The following SYNE1 variants were observed in gnomAD, a reference collection of about 807,000 sequenced individuals.
SYNE1 encodes nesprin-1.
A neutral mutation model predicts 1,111.0 loss-of-function variants in SYNE1; 616 were observed. The observed-to-expected ratio is 0.55, with a 90% confidence interval of 0.52 to 0.59. SYNE1 has a LOEUF of 0.59. Ranked by LOEUF, SYNE1 falls within the 20% of genes least tolerant of loss-of-function variation. The pLI is 0.00. For missense variants in SYNE1, 10,006 were observed against 10,417.0 expected (o/e 0.96, Z 1.72); for synonymous variants, 3,855 against 3,825.8 (o/e 1.01, Z -0.28).
At chr6:152,594,756 C>T (rs1228364354) in intron 3 of SYNE1, among the ~76,000 whole-genome samples, 2 of 152,158 alleles carry the variant, frequency 1.3e-5, no homozygotes, top group East Asian at 3.9e-4. Flanking sequence ...AGTCAGTCTC[C>T]ACCTCCTCAA....
chr6:152,321,666 CA>C lies in SYNE1; in HGVS notation c.16083+54del, dbSNP rs1422351345. On this transcript the variant is annotated intron_variant, in intron 83 of 145. Coordinates refer to ENST00000367255, the MANE Select transcript of SYNE1 (RefSeq NM_182961.4). ...ACAAACAAGTATGTTCAACTAAAATCAGGGCAATTGTTTTTGAAATGATGGG... is the reference window on the plus strand; with the variant it reads ...ACAAACAAGTATGTTCAACTAAAATCGGGCAATTGTTTTTGAAATGATGGG... 4 of 1,604,440 alleles carry C rather than the reference CA, an allele frequency of 2.5e-6. No individual in the cohort carries two copies. In the African/African-American group the frequency reaches 5.4e-5, roughly 21 times the overall value.
chr6:152,341,520 G>A lies in SYNE1; in HGVS notation c.12226-2154C>T, dbSNP rs1348000852. Among the ~76,000 whole-genome samples the A allele has an allele frequency of 2.6e-5, 4 of 152,178 alleles. No individual in the cohort carries two copies. The South Asian group carries it at 6.2e-4, about 24-fold the overall frequency. On this transcript the variant is annotated intron_variant, in intron 74 of 145. Transcript: ENST00000367255. ...TCTAAAAACATATAGCACTCTGAACGGAATCGAATCCATGTGCCATTTTCT... is the reference window on the plus strand; with the variant it reads ...TCTAAAAACATATAGCACTCTGAACAGAATCGAATCCATGTGCCATTTTCT...
chr6:152,528,201 G>A (rs1380533407), intron 4 of SYNE1, among the ~76,000 whole-genome samples: 1 of 151,780 alleles, frequency 6.6e-6, no homozygotes, highest in Non-Finnish European at 1.5e-5. Flanking sequence ...ATTTTTTTCT[G>A]CTTATACATG....
At chr6:152,338,080 G>A (rs779573104) in intron 75 of SYNE1, among the ~76,000 whole-genome samples, 18 of 152,166 alleles carry the variant, frequency 1.2e-4, no homozygotes, top group Non-Finnish European at 2.4e-4. Context: ...TGTGGGAGGC[G>A]GAGGTTGCAG....
intron 20 of SYNE1, chr6:152,462,428 T>G: frequency 2.1e-6 from 1 of 470,716 alleles, no homozygotes; most frequent in East Asian, 3.4e-5. Flanking sequence ...AAATCCTTTA[T>G]TATTGAAAGT....
intron 131 of SYNE1, among the ~76,000 whole-genome samples, chr6:152,156,986 C>T (rs994446521): frequency 4.6e-5 from 7 of 152,128 alleles, no homozygotes; most frequent in African/African-American, 1.7e-4. Flanking sequence ...CGCCATCATG[C>T]CTGGCTGGTT....
At chr6:152,170,880 G>C (rs1161610889) in intron 130 of SYNE1, among the ~76,000 whole-genome samples, 1 of 152,196 alleles carries the variant, frequency 6.6e-6, no homozygotes, top group African/African-American at 2.4e-5. Context: ...GAAGGGACCC[G>C]ATGGGAGATA....
rs985588823 is a variant in SYNE1, at chr6:152,442,098, C to T, written c.3985G>A (p.Glu1329Lys). 1.2e-6 allele frequency: 2 copies of T among 1,614,130 alleles called. No homozygotes were observed. Among genetic ancestry groups the T allele is most frequent in the South Asian group, 2.2e-5 (2 of 91,086 alleles). The change falls in exon 31 of 146, where the codon GAG becomes AAG. Residue 1329 changes from glutamate to lysine, a missense_variant. Coordinates refer to ENST00000367255, the MANE Select transcript of SYNE1 (RefSeq NM_182961.4). Reference protein sequence around the residue: ...STLDGLERSRERQERRIQVTL... With the variant: ...STLDGLERSRKRQERRIQVTL... ...ACCTGGATGCGGCGTTCCTGCCTCT[C>T]CCGGCTGCGCTCCAGGCCATCCAGT...
chr6:152,478,231 G>A (rs2098846687), intron 14 of SYNE1, among the ~76,000 whole-genome samples: 2 of 152,304 alleles, frequency 1.3e-5, no homozygotes, highest in Admixed American at 1.3e-4. Flanking sequence ...TAGAAAGAAT[G>A]AGAGAAGAGA....
At chr6:152,441,945 T>C (rs2098534331) in intron 31 of SYNE1, 130 bp downstream of exon 31, 6 of 1,099,346 alleles carry the variant, frequency 5.5e-6, no homozygotes, top group Admixed American at 1.7e-5. Flanking sequence ...AGATGGTTCA[T>C]GTACAGAATT....
intron 11 of SYNE1, among the ~76,000 whole-genome samples, chr6:152,492,717 T>C (rs971398677): frequency 6.6e-6 from 1 of 152,220 alleles, no homozygotes; most frequent in African/African-American, 2.4e-5. Context: ...GGAAGCCTCC[T>C]GGACCATCAC....
chr6:152,208,057 A>ACCAAC lies in SYNE1; in HGVS notation c.22734_22738dup (p.Val7580GlyfsTer10). 6.2e-7 allele frequency: 1 copy of ACCAAC among 1,614,088 alleles called. No individual in the cohort carries two copies. Among genetic ancestry groups the ACCAAC allele is most frequent in the Non-Finnish European group, 8.5e-7 (1 of 1,180,012 alleles). On this transcript the variant is annotated frameshift_variant, in exon 125 of 146. Coordinates refer to ENST00000367255, the MANE Select transcript of SYNE1 (RefSeq NM_182961.4). LOFTEE classifies it high-confidence loss of function. ...ACTCATGGGGAGGTAGGACACTTCA[A>ACCAAC]CCAACCATTTACGAAGCTTTTCTGC...
At chr6:152,185,688 AC>A (rs2069651885) in intron 128 of SYNE1, among the ~76,000 whole-genome samples, 1 of 152,186 alleles carries the variant, frequency 6.6e-6, no homozygotes, top group Non-Finnish European at 1.5e-5. Flanking sequence ...TTTCTTTTTA[AC>A]GTCTTAGTCT....
chr6:152,425,231 T>A, intron 39 of SYNE1, 150 bp downstream of exon 39: 1 of 816,582 alleles, frequency 1.2e-6, no homozygotes, highest in East Asian at 2.7e-5. Flanking sequence ...TGGACCTTGA[T>A]TTTCAAAATA....
rs144105769 is a variant in SYNE1 at position 152,488,405 on chromosome 6, A to G, written c.1038T>C (p.Asp346=). ...RAQMVESNLQ[D]KYQSFKHFRV... is the part of the protein sequence containing the mutation. ...CTTCTCCATACAATACCTGATATTT[A>G]TCCTGTAAATTTGATTCCACCATCT... The change falls in exon 12 of 146, where the codon GAT becomes GAC. Residue 346 remains aspartate (D), a synonymous_variant. Transcript: ENST00000367255. 877 of 1,586,466 alleles carry G rather than the reference A, an allele frequency of 5.5e-4. No individual in the cohort carries two copies. Among genetic ancestry groups the G allele is most frequent in the Non-Finnish European group, 6.1e-4 (700 of 1,156,608 alleles).
chr6:152,544,826 G>A (rs1424766896), intron 3 of SYNE1, among the ~76,000 whole-genome samples: 1 of 152,190 alleles, frequency 6.6e-6, no homozygotes, highest in Non-Finnish European at 1.5e-5. Context: ...GCACCCGGAA[G>A]CACAAAGATC....
At chr6:152,568,374 C>T (rs1444082297) in intron 3 of SYNE1, among the ~76,000 whole-genome samples, 1 of 139,792 alleles carries the variant, frequency 7.2e-6, no homozygotes, top group Non-Finnish European at 1.5e-5. Flanking sequence ...GAGATCTCGG[C>T]TCACTGCAAC....
chr6:152,592,048 G>A (rs1164441115), intron 3 of SYNE1, among the ~76,000 whole-genome samples: 1 of 152,004 alleles, frequency 6.6e-6, no homozygotes, highest in Non-Finnish European at 1.5e-5. Flanking sequence ...CAGAGAAAAG[G>A]GAATGCTTAT....
rs137919524 is a variant in SYNE1 at position 152,352,177 on chromosome 6, C to T, written c.11430G>A (p.Thr3810=). ...LTSTVRKEHM[T]LEKGLHLAKE... ...TTGCTAAATGAAGACCTTTTTCCAG[C>T]GTCATGTGTTCTTTCCGGACAGTGC... Residue 3810 remains threonine, a synonymous_variant, in exon 70 of 146, where the codon ACG becomes ACA. Transcript: ENST00000367255. 9.2e-4 allele frequency: 1,492 copies of T among 1,614,182 alleles called. 2 individuals are homozygous for T. The highest frequency in any genetic ancestry group is 1.3e-3 in the South Asian group (119 of 91,086).
Sources: allele counts gnomAD v4.1 joint callset (sites outside exome capture counted in the v4.1 genomes callset), GRCh38; gene constraint gnomAD v4.1.1; transcripts MANE v1.5; gene names NCBI Gene and HGNC (gene_info 2026-07-23, HGNC 2026-07-21).